The following APLP1 variants were observed in gnomAD, a reference collection of about 807,000 sequenced individuals.
The protein encoded by APLP1 is amyloid beta precursor like protein 1.
In APLP1, 46 loss-of-function variants were observed where a neutral mutation model predicts 84.5. The ratio of observed to expected loss-of-function variants is 0.54; its 90% CI spans 0.43 to 0.70. The LOEUF is 0.70. Ranked by LOEUF, APLP1 falls within the 30% of genes least tolerant of loss-of-function variation. The pLI, the probability that APLP1 is intolerant of heterozygous loss-of-function variation, is 0.00. For synonymous variants in APLP1, 376 were observed against 364.0 expected (o/e 1.03, Z -0.38); for missense variants, 826 against 900.2 (o/e 0.92, Z 1.05).
chr19:35,876,068 C>T (rs1974275827), intron 10 of APLP1, among the ~76,000 whole-genome samples: 1 of 152,248 alleles, frequency 6.6e-6, no homozygotes, highest in Non-Finnish European at 1.5e-5. Flanking sequence ...AGCCACCGCG[C>T]CCGGTCGAGA....
intron 1 of APLP1, 181 bp from the exon 2 acceptor site, chr19:35,869,486 C>A: frequency 1.2e-6 from 1 of 838,982 alleles, no homozygotes; most frequent in South Asian, 1.5e-5. Context: ...GCAACGGGAG[C>A]GCTGGGGCGC....
At chr19:35,872,387 T>C (rs998371661) in intron 6 of APLP1, 96 bp from the exon 7 acceptor site, 1 of 1,498,436 alleles carries the variant, frequency 6.7e-7, no homozygotes, top group South Asian at 1.3e-5. Context: ...GGGTGCATGA[T>C]GGTCTCCAGT....
intron 4 of APLP1, 78 bp from the exon 5 acceptor site, chr19:35,871,534 C>A (rs1568474293): frequency 6.3e-7 from 1 of 1,575,962 alleles, no homozygotes. Flanking sequence ...CTCATCAACC[C>A]CCAACCCTGG....
rs1407140659 is a variant in APLP1, at chr19:35,872,573, A to T, written c.941A>T (p.Lys314Met). 2 of 1,613,828 alleles carry T rather than the reference A, an allele frequency of 1.2e-6. No individual in the cohort carries two copies. The highest frequency in any genetic ancestry group is 2.7e-5 in the African/African-American group (2 of 74,904). The change falls in exon 7 of 17, where the codon AAG becomes ATG. Residue 314 changes from lysine (K) to methionine (M), a missense_variant. Coordinates refer to ENST00000221891, the MANE Select transcript of APLP1 (RefSeq NM_001024807.3). ...GAGCACGAGGGGTTCCTGAGGGCCA[A>T]GATGGACCTGGAGGAGCGTAGGATG... ...ISEHEGFLRAKMDLEERRMRQ... is the reference protein window; with the variant it reads ...ISEHEGFLRAMMDLEERRMRQ...
Position 35,868,730 on chromosome 19 carries a change from C to T in APLP1, c.94C>T (p.Arg32Cys). 2 of 1,393,074 alleles carry T rather than the reference C, an allele frequency of 1.4e-6. No homozygotes were observed. The highest frequency in any genetic ancestry group is 3.3e-5 in the Admixed American group (1 of 30,250). 86.3% of individuals were successfully genotyped at this position (1,393,074 alleles called of 1,614,324 possible). A position where few individuals can be genotyped will look rare whatever the true frequency, so the allele number is the denominator to read the frequency against. Residue 32 changes from arginine (R) to cysteine (C), a missense_variant, in exon 1 of 17, where the codon CGC becomes TGC. Transcript: ENST00000221891. This position sits in a 1 kb window ranked among gnomAD's most constrained non-coding sequence, Gnocchi z 5.2. ...LLLPLLLLLL[R>C]AQPAIGSLAG... ...GCTGCCACTATTGCTGCTGCTTCTG[C>T]GCGCGCAGCCCGCCATCGGGAGCCT...
intron 2 of APLP1, chr19:35,870,086 GC>G: frequency 2.0e-6 from 1 of 502,578 alleles, no homozygotes; most frequent in South Asian, 2.8e-5. Context: ...GATAGGCGGG[GC>G]TAAGACAGAA....
Position 35,879,083 on chromosome 19 carries a change from G to C in APLP1, c.1723G>C (p.Gly575Arg). Residue 575 changes from glycine to arginine, a missense_variant, in exon 16 of 17, where the codon GGG becomes CGG. Physicochemically the swap from Gly to Arg is moderately radical, Grantham distance 125. This residue lies in a region of APLP1 where 433 missense variants were observed against 496.5 expected (regional missense o/e 0.87). Transcript: ENST00000221891. ...EIQRDELAPA[G>R]TGVSREAVSG... The stretch of plus-strand genomic sequence containing the variant: ...TCTCCTCTCCCTGCAGGCACCAGCT[G>C]GGACAGGGGTGTCCCGTGAGGCTGT... 1 of 1,612,212 alleles carries C rather than the reference G, an allele frequency of 6.2e-7. No individual in the cohort carries two copies. The highest frequency in any genetic ancestry group is 8.5e-7 in the Non-Finnish European group (1 of 1,179,980).
rs1334964380 is a variant in APLP1, at chr19:35,872,559, G to A, written c.927G>A (p.Gly309=). 2 of 1,613,836 alleles carry A rather than the reference G, an allele frequency of 1.2e-6. No individual in the cohort carries two copies. Among genetic ancestry groups the A allele is most frequent in the African/African-American group, 1.3e-5 (1 of 74,886 alleles). The change falls in exon 7 of 17, where the codon GGG becomes GGA. Residue 309 remains glycine, a synonymous_variant. Coordinates refer to ENST00000221891, the MANE Select transcript of APLP1 (RefSeq NM_001024807.3). The stretch of plus-strand genomic sequence containing the variant: ...CTGGGGAAATCAGTGAGCACGAGGG[G>A]TTCCTGAGGGCCAAGATGGACCTGG... ...GMPGEISEHE[G]FLRAKMDLEE... is the part of the protein sequence containing the mutation.
chr19:35,873,831 C>A, intron 8 of APLP1, 118 bp downstream of exon 8: 1 of 896,796 alleles, frequency 1.1e-6, no homozygotes, highest in Non-Finnish European at 1.8e-6. Flanking sequence ...CCTATCTCAG[C>A]CTTTCCTGGC....
rs542929073 is a variant in APLP1, at chr19:35,879,040, A to G, written c.1714-34A>G. 2.5e-6 allele frequency: 4 copies of G among 1,613,152 alleles called. No individual in the cohort carries two copies. The African/African-American group carries it at 4.0e-5, about 16-fold the overall frequency. ...TTCCCAAAGCCACACAGGACCCTCA[A>G]AGAAGCCCTCTGCCCCATCTCCTCT... On this transcript the variant is annotated intron_variant, in intron 15 of 16. Transcript: ENST00000221891.
Position 35,876,619 on chromosome 19 carries a change from G to A in APLP1, c.1444+3G>A, listed in dbSNP as rs1471484183. 8 of 1,608,662 alleles carry A rather than the reference G, an allele frequency of 5.0e-6. No homozygotes were observed. In the South Asian group the frequency reaches 8.9e-5, roughly 18 times the overall value. On this transcript the variant is annotated splice_donor_region_variant and intron_variant, in intron 11 of 16. Coordinates refer to ENST00000221891, the MANE Select transcript of APLP1 (RefSeq NM_001024807.3). ...TCAGGAGCTGCGGCCCCAAATCCGT[G>A]AGTGTCTATTACCCTGGCTCCCATT...
intron 10 of APLP1, among the ~76,000 whole-genome samples, chr19:35,875,083 G>T (rs172985): frequency 0.11 from 15,943 of 150,882 alleles, 1,700 homozygotes; most frequent in African/African-American, 0.28. Context: ...CTGCTTCTTG[G>T]CCCTTGGATT....
Position 35,870,194 on chromosome 19 carries a change from CG to C in APLP1, c.291+387del. The C allele has an allele frequency of 1.2e-5, 3 of 257,200 alleles. No homozygotes were observed. The South Asian group carries it at 1.9e-4, about 16-fold the overall frequency. 15.9% of individuals were successfully genotyped at this position (257,200 alleles called of 1,614,324 possible). ...TGGCCATGAAAAGACAAATTTATAA[CG>C]GGAAGGGAGAGTTTTGGAGAGGCGG... is the stretch of plus-strand genomic sequence containing the variant. On this transcript the variant is annotated intron_variant, in intron 2 of 16. Coordinates refer to ENST00000221891, the MANE Select transcript of APLP1 (RefSeq NM_001024807.3).
At position 35,872,048 on chromosome 19, in the gene APLP1, T is replaced by G. The variant is rs369254539; in HGVS notation, c.850+12T>G. 6.2e-7 allele frequency: 1 copy of G among 1,611,482 alleles called. No individual in the cohort carries two copies. The highest frequency in any genetic ancestry group is 1.3e-5 in the African/African-American group (1 of 74,848). On this transcript the variant is annotated intron_variant, in intron 6 of 16. Transcript: ENST00000221891. ...AGTGGTCGGCAAAGGTGAGGCAGTC[T>G]CTGAACCCCTGGGGCCTCTCCACCA...
intron 14 of APLP1, 90 bp downstream of exon 14, chr19:35,878,744 A>G (rs1599584203): frequency 6.4e-7 from 1 of 1,556,094 alleles, no homozygotes; most frequent in South Asian, 1.1e-5. Flanking sequence ...GGGGGCTTGG[A>G]TTCCTTGTCC....
Position 35,877,751 on chromosome 19 carries a change from G to C in APLP1, c.1478G>C (p.Ser493Thr). Residue 493 changes from serine to threonine, a missense_variant, in exon 12 of 17, where the codon AGT (serine) becomes ACT (threonine). By Grantham distance (58) the Ser-to-Thr change is moderately conservative. This residue lies in a region of APLP1 where 433 missense variants were observed against 496.5 expected (regional missense o/e 0.87). Transcript: ENST00000221891. ...ELLHSEHLGP[S>T]ELEAPAPGGS... ...CTCCACTCTGAACACCTGGGTCCCA[G>C]TGAATTGGAAGCCCCTGCCCCTGGG... 1 of 1,609,684 alleles carries C rather than the reference G, an allele frequency of 6.2e-7. No homozygotes were observed. The highest frequency in any genetic ancestry group is 8.5e-7 in the Non-Finnish European group (1 of 1,178,814).
chr19:35,869,888 G>A (rs146315613), intron 2 of APLP1, 78 bp downstream of exon 2: 133 of 1,506,120 alleles, frequency 8.8e-5, no homozygotes, highest in Non-Finnish European at 1.1e-4. Flanking sequence ...AGGGTGCTGC[G>A]CGATCTAAGG....
chr19:35,876,488 G>A (rs1344392540), intron 10 of APLP1, 29 bp from the exon 11 acceptor site: 3 of 1,587,014 alleles, frequency 1.9e-6, no homozygotes, highest in Admixed American at 3.3e-5. Flanking sequence ...GCATTGCGCA[G>A]TTCATCCTTC....
rs1237239619 is a variant in APLP1 at position 35,874,323 on chromosome 19, C to A, written c.1057-181C>A. Among the ~76,000 whole-genome samples the A allele has an allele frequency of 6.6e-6, 1 of 152,218 alleles. No individual in the cohort carries two copies. Among genetic ancestry groups the A allele is most frequent in the Non-Finnish European group, 1.5e-5 (1 of 68,044 alleles). Reference sequence around the variant, plus strand: ...CACATTGGCTCCCAGTGGGCCTAGTCCCACCTCCACTCTGCCTGGCCCTGT... The same window carrying A: ...CACATTGGCTCCCAGTGGGCCTAGTACCACCTCCACTCTGCCTGGCCCTGT... On this transcript the variant is annotated intron_variant, in intron 8 of 16. Transcript: ENST00000221891. The surrounding 1 kb of genome is among the most constrained non-coding windows in gnomAD (Gnocchi z 6.4).
Sources: gnomAD v4.1 joint callset for allele counts (sites outside exome capture counted in the v4.1 genomes callset) on GRCh38, gnomAD v4.1.1 for gene constraint, gnomAD v4.1.1 regional missense constraint, Gnocchi (gnomAD v3.1) non-coding constraint, MANE v1.5 for transcripts, NCBI Gene and HGNC (gene_info 2026-07-23, HGNC 2026-07-21) for gene names.